Variants in DDI2 observed in about 807,000 individuals in gnomAD.
DDI2 encodes DDI proteasomal shuttling factor 2.
Under a neutral mutation model 48.1 loss-of-function variants are expected in DDI2, and 5 were observed. The ratio of observed to expected loss-of-function variants is 0.10; its 90% CI spans 0.05 to 0.22. DDI2 has a LOEUF of 0.22. DDI2 is among the 10% of genes least tolerant of loss of function. DDI2 has a pLI of 1.00. For synonymous variants in DDI2, 205 were observed against 183.6 expected (o/e 1.12, Z -0.94); for missense variants, 285 against 506.2 (o/e 0.56, Z 4.19).
At position 15,660,369 on chromosome 1, in the gene DDI2, G is replaced by T; in HGVS notation, c.*579G>T. On this transcript the variant is annotated 3_prime_UTR_variant, in exon 10 of 10. Coordinates refer to ENST00000480945, the MANE Select transcript of DDI2 (RefSeq NM_032341.5). ...TGAGTCAAGTGAGTGACCCTCAGCA[G>T]CACGAAGAACCAGGGAATGAACAGT... The T allele has an allele frequency of 6.2e-7, 1 of 1,613,938 alleles. No homozygotes were observed. Among genetic ancestry groups the T allele is most frequent in the Non-Finnish European group, 8.5e-7 (1 of 1,179,978 alleles).
At chr1:15,623,556 G>T (rs994732743) in intron 1 of DDI2, among the ~76,000 whole-genome samples, 2 of 141,522 alleles carry the variant, frequency 1.4e-5, no homozygotes, top group African/African-American at 6.0e-5. Context: ...ACCATGCCTG[G>T]CTTATTATTA....
At chr1:15,634,001 G>A (rs1311566878) in intron 4 of DDI2, 8 of 316,670 alleles carry the variant, frequency 2.5e-5, no homozygotes, top group South Asian at 1.3e-4. Context: ...AGGGCTCTGC[G>A]CCGATGGAAC....
chr1:15,655,814 A>G (rs930684240), intron 8 of DDI2, among the ~76,000 whole-genome samples: 2 of 151,690 alleles, frequency 1.3e-5, no homozygotes, highest in Non-Finnish European at 2.9e-5. Flanking sequence ...TGGTCCAGCT[A>G]CTTGGGAGGA....
chr1:15,650,876 A>G (rs757448507), intron 7 of DDI2, among the ~76,000 whole-genome samples: 1 of 152,110 alleles, frequency 6.6e-6, no homozygotes, highest in Non-Finnish European at 1.5e-5. Flanking sequence ...TTATTTTGAG[A>G]TAGCGTCTCG....
chr1:15,626,885 G>T, intron 2 of DDI2, 87 bp downstream of exon 2: 2 of 1,516,468 alleles, frequency 1.3e-6, no homozygotes, highest in Admixed American at 3.6e-5. Context: ...ATTCGCTTTG[G>T]ATTCAGACTA....
intron 1 of DDI2, among the ~76,000 whole-genome samples, chr1:15,624,453 T>C (rs2103461717): frequency 6.6e-6 from 1 of 152,140 alleles, no homozygotes; most frequent in Admixed American, 6.5e-5. Context: ...TGTTGAAATG[T>C]GGTTCTTTTT....
intron 7 of DDI2, among the ~76,000 whole-genome samples, chr1:15,650,617 A>T (rs368352193): frequency 6.6e-6 from 1 of 152,148 alleles, no homozygotes; most frequent in South Asian, 2.1e-4. Flanking sequence ...GCGTGGTGGT[A>T]CATTAGCTAC....
chr1:15,643,764 A>C (rs1640044805), intron 6 of DDI2, 114 bp downstream of exon 6: 1 of 1,444,432 alleles, frequency 6.9e-7, no homozygotes, highest in Admixed American at 2.7e-5. Flanking sequence ...TGTTGTTTTA[A>C]ATTTCTTTTG....
chr1:15,622,112 C>T (rs977009909), intron 1 of DDI2, among the ~76,000 whole-genome samples: 1 of 151,770 alleles, frequency 6.6e-6, no homozygotes, highest in African/African-American at 2.4e-5. Context: ...ATCTCGCTCT[C>T]GCCCAGGCTG....
chr1:15,627,468 C>T (rs1475376997), intron 2 of DDI2, among the ~76,000 whole-genome samples: 1 of 152,064 alleles, frequency 6.6e-6, no homozygotes, highest in African/African-American at 2.4e-5. Context: ...TACAAAGAAA[C>T]GTTTATCTAT....
intron 9 of DDI2, among the ~76,000 whole-genome samples, chr1:15,658,228 C>T (rs991782769): frequency 6.6e-6 from 1 of 152,066 alleles, no homozygotes; most frequent in African/African-American, 2.4e-5. Flanking sequence ...TGGCTCACTG[C>T]AACCTCTCCC....
chr1:15,643,842 T>C (rs751387370), intron 6 of DDI2, among the ~76,000 whole-genome samples, 192 bp downstream of exon 6: 21 of 152,248 alleles, frequency 1.4e-4, no homozygotes, highest in Non-Finnish European at 2.5e-4. Flanking sequence ...GTCAAAGTTA[T>C]GTGTTTCTGC....
chr1:15,652,463 G>C lies in DDI2; in HGVS notation c.1183+568G>C, dbSNP rs949004520. Among the ~76,000 whole-genome samples the C allele has an allele frequency of 6.0e-4, 61 of 101,778 alleles. 11 individuals carry two copies. Among genetic ancestry groups the C allele is most frequent in the Non-Finnish European group, 1.2e-3 (53 of 46,032 alleles). 66.8% of individuals were successfully genotyped at this position (101,778 alleles called of 152,430 possible). A position where few individuals can be genotyped will look rare whatever the true frequency, so the allele number is the denominator to read the frequency against. ...GGAGGCTCCGGAGGGGGGGGGGGGG[G>C]GGCGGATCACCTGAGGTCAGGAGTT... On this transcript the variant is annotated intron_variant, in intron 8 of 9. Coordinates refer to ENST00000480945, the MANE Select transcript of DDI2 (RefSeq NM_032341.5).
rs1300615845 is a variant in DDI2, at chr1:15,656,638, T to C, written c.*5T>C. The C allele has an allele frequency of 3.7e-6, 6 of 1,614,160 alleles. No homozygotes were observed. The South Asian group carries it at 6.6e-5, about 18-fold the overall frequency. ...ACAGAGCGTCAGAAGCCATGATGCA[T>C]GTAGTGTGTGTGTACTGCAGCTGGA... On this transcript the variant is annotated 3_prime_UTR_variant, in exon 9 of 10. Coordinates refer to ENST00000480945, the MANE Select transcript of DDI2 (RefSeq NM_032341.5).
intron 1 of DDI2, among the ~76,000 whole-genome samples, chr1:15,622,094 G>A (rs1253954346): frequency 1.3e-5 from 2 of 151,962 alleles, no homozygotes; most frequent in Non-Finnish European, 2.9e-5. Flanking sequence ...TTATATTTTA[G>A]AGATGGGATC....
chr1:15,624,661 G>A (rs987388704), intron 1 of DDI2, among the ~76,000 whole-genome samples: 2 of 151,634 alleles, frequency 1.3e-5, no homozygotes, highest in African/African-American at 4.9e-5. Flanking sequence ...TTAGATATGC[G>A]GTCTCACTAT....
chr1:15,620,080 A>G (rs1639633838), intron 1 of DDI2, among the ~76,000 whole-genome samples: 1 of 152,196 alleles, frequency 6.6e-6, no homozygotes, highest in Non-Finnish European at 1.5e-5. Context: ...AACATAGGCT[A>G]ACTCCAAATT....
intron 1 of DDI2, among the ~76,000 whole-genome samples, chr1:15,625,670 G>C (rs554950036): frequency 6.6e-6 from 1 of 152,240 alleles, no homozygotes; most frequent in East Asian, 1.9e-4. Context: ...GCCCAGGCTA[G>C]GGTGCAGTGG....
intron 1 of DDI2, among the ~76,000 whole-genome samples, chr1:15,624,690 A>G (rs1334943789): frequency 1.3e-5 from 2 of 152,002 alleles, no homozygotes; most frequent in Non-Finnish European, 2.9e-5. Context: ...GGCTGGTCTC[A>G]AACTCCAGGG....
Sources: gnomAD v4.1 joint callset for allele counts (sites outside exome capture counted in the v4.1 genomes callset) on GRCh38, gnomAD v4.1.1 for gene constraint, MANE v1.5 for transcripts, NCBI Gene and HGNC (gene_info 2026-07-23, HGNC 2026-07-21) for gene names.